ENPEP: variants seen among roughly 807,000 people sequenced by gnomAD.
ENPEP encodes glutamyl aminopeptidase.
A neutral mutation model predicts 114.5 loss-of-function variants in ENPEP; 103 were observed. The ratio of observed to expected loss-of-function variants is 0.90; its 90% CI spans 0.77 to 1.06. The LOEUF (loss-of-function observed/expected upper bound fraction) is 1.06, where lower values mean the gene tolerates loss of function less well. ENPEP is among the 50% of genes least tolerant of loss of function. The pLI is 0.00. For synonymous variants in ENPEP, 420 were observed against 422.0 expected, an observed-to-expected ratio of 1.00 and a Z score of 0.06; for missense variants, 1,196 against 1,161.3, an observed-to-expected ratio of 1.03 and a Z score of -0.43.
intron 1 of ENPEP, among the ~76,000 whole-genome samples, chr4:110,479,685 A>G (rs1724240459): frequency 6.6e-6 from 1 of 152,200 alleles, no homozygotes; most frequent in Non-Finnish European, 1.5e-5. Flanking sequence ...CAATATTCTG[A>G]AGAATATCCA....
At chr4:110,502,814 G>A (rs1725211148) in intron 3 of ENPEP, among the ~76,000 whole-genome samples, 1 of 152,032 alleles carries the variant, frequency 6.6e-6, no homozygotes, top group Admixed American at 6.6e-5. Context: ...AACTATCACT[G>A]GTTGTTTGAT....
At position 110,543,011 on chromosome 4, in the gene ENPEP, CCAGA is replaced by C; in HGVS notation, c.1945-1_1947del. 1 of 1,613,032 alleles carries C rather than the reference CCAGA, an allele frequency of 6.2e-7. No individual in the cohort carries two copies. Among genetic ancestry groups the C allele is most frequent in the Non-Finnish European group, 8.5e-7 (1 of 1,179,318 alleles). The stretch of plus-strand genomic sequence containing the variant: ...TTTTTATCTCTCTTTCTCCCTCTTC[CCAGA>C]CATTTTCTTCAGCAGATCGTGCAAG... On this transcript the variant is annotated splice_acceptor_variant and splice_polypyrimidine_tract_variant and coding_sequence_variant and intron_variant, in exon 13 of 20. Transcript: ENST00000265162. LOFTEE classifies it high-confidence loss of function.
intron 3 of ENPEP, among the ~76,000 whole-genome samples, chr4:110,496,264 G>A (rs974650145): frequency 1.3e-5 from 2 of 152,024 alleles, no homozygotes; most frequent in African/African-American, 4.8e-5. Flanking sequence ...TAGGTTTTGT[G>A]CCATAGACTT....
Position 110,476,831 on chromosome 4 carries a change from C to A in ENPEP, c.417C>A (p.Thr139=). ...TRYLWLHLRE[T]RITRLPELKR... Reference sequence around the variant, plus strand: ...ACCTGTGGCTGCACCTCCGGGAGACCAGGATCACCCGGCTCCCGGAGCTGA... The same window carrying A: ...ACCTGTGGCTGCACCTCCGGGAGACAAGGATCACCCGGCTCCCGGAGCTGA... The change falls in exon 1 of 20, where the codon ACC becomes ACA. Residue 139 remains threonine (T), a synonymous_variant. Coordinates refer to ENST00000265162, the MANE Select transcript of ENPEP (RefSeq NM_001977.4). 1 of 1,614,132 alleles carries A rather than the reference C, an allele frequency of 6.2e-7. No individual in the cohort carries two copies. Among genetic ancestry groups the A allele is most frequent in the Non-Finnish European group, 8.5e-7 (1 of 1,180,014 alleles).
Position 110,561,678 on chromosome 4 carries a change from C to A in ENPEP, c.*120C>A. ...ATAAACAGATAATGCTTTTACTAAG[C>A]ACTGTGTTTATATGTCTTGCAAAGC... is the stretch of plus-strand genomic sequence containing the variant. On this transcript the variant is annotated 3_prime_UTR_variant, in exon 20 of 20. Transcript: ENST00000265162. The A allele has an allele frequency of 1.1e-6, 1 of 942,618 alleles. No homozygotes were observed. Among genetic ancestry groups the A allele is most frequent in the Non-Finnish European group, 1.6e-6 (1 of 642,098 alleles). 58.4% of individuals were successfully genotyped at this position (942,618 alleles called of 1,614,324 possible).
intron 19 of ENPEP, among the ~76,000 whole-genome samples, chr4:110,561,082 GAAC>G (rs1342052074): frequency 6.6e-6 from 1 of 152,088 alleles, no homozygotes; most frequent in Non-Finnish European, 1.5e-5. Context: ...ATTTTCCAGG[GAAC>G]ACCTTGGGGA....
intron 7 of ENPEP, 60 bp from the exon 8 acceptor site, chr4:110,515,317 T>G: frequency 7.2e-7 from 1 of 1,379,452 alleles, no homozygotes; most frequent in Non-Finnish European, 1.0e-6. Flanking sequence ...GAGTAATAAC[T>G]GATCATTGTT....
chr4:110,486,094 A>T (rs1259982549), intron 1 of ENPEP, among the ~76,000 whole-genome samples: 1 of 152,146 alleles, frequency 6.6e-6, no homozygotes, highest in African/African-American at 2.4e-5. Flanking sequence ...TTTTAAAATA[A>T]TTTTTTCCTT....
At chr4:110,499,254 C>A (rs1260870500) in intron 3 of ENPEP, among the ~76,000 whole-genome samples, 1 of 152,170 alleles carries the variant, frequency 6.6e-6, no homozygotes, top group Non-Finnish European at 1.5e-5. Flanking sequence ...AGAACTATTA[C>A]ATGTCAAACA....
chr4:110,499,267 G>C (rs1725063248), intron 3 of ENPEP, among the ~76,000 whole-genome samples: 2 of 152,066 alleles, frequency 1.3e-5, no homozygotes, highest in African/African-American at 4.8e-5. Flanking sequence ...GTCAAACATT[G>C]CTTATGTGTT....
rs1038871595 is a variant in ENPEP, at chr4:110,562,520, C to T, written c.*962C>T. 1 of 152,126 alleles carries T rather than the reference C, an allele frequency of 6.6e-6. No individual in the cohort carries two copies. Among genetic ancestry groups the T allele is most frequent in the East Asian group, 1.9e-4 (1 of 5,194 alleles). 9.4% of individuals were successfully genotyped at this position (152,126 alleles called of 1,614,324 possible). A position where few individuals can be genotyped will look rare whatever the true frequency, so the allele number is the denominator to read the frequency against. Reference sequence around the variant, plus strand: ...AGAATTTAGCTTTGACCTCACCTAGCAATCTAAGTGTGAAAATGGGGAGAC... The same window carrying T: ...AGAATTTAGCTTTGACCTCACCTAGTAATCTAAGTGTGAAAATGGGGAGAC... On this transcript the variant is annotated 3_prime_UTR_variant, in exon 20 of 20. Coordinates refer to ENST00000265162, the MANE Select transcript of ENPEP (RefSeq NM_001977.4).
chr4:110,489,874 T>C (rs1215195469), intron 2 of ENPEP, among the ~76,000 whole-genome samples: 1 of 152,196 alleles, frequency 6.6e-6, no homozygotes, highest in Non-Finnish European at 1.5e-5. Context: ...ATTCATCTTT[T>C]TAAATGATAA....
At chr4:110,540,605 A>G (rs1560567444) in intron 11 of ENPEP, among the ~76,000 whole-genome samples, 1 of 152,154 alleles carries the variant, frequency 6.6e-6, no homozygotes, top group Non-Finnish European at 1.5e-5. Context: ...CCTGGATCTC[A>G]GCTTCCTCAT....
intron 10 of ENPEP, among the ~76,000 whole-genome samples, chr4:110,525,276 C>T (rs547379602): frequency 5.4e-4 from 83 of 152,324 alleles, no homozygotes; most frequent in Non-Finnish European, 8.8e-4. Flanking sequence ...ACTCCAGTCC[C>T]GGGCCTGGCC....
chr4:110,531,266 C>A lies in ENPEP; in HGVS notation c.1796C>A (p.Ser599Ter). The change falls in exon 11 of 20, where the codon TCA becomes TAA. Residue 599 changes from serine (S) to a stop codon, truncating the protein, a stop_gained. Transcript: ENST00000265162. LOFTEE classifies it high-confidence loss of function. ...ACAAGCAGTGTGTTATTTAATAGGTCAGAAAAAGAAGGTAAATATTATTAA... is the reference window on the plus strand; with the variant it reads ...ACAAGCAGTGTGTTATTTAATAGGTAAGAAAAAGAAGGTAAATATTATTAA... ...NITSSVLFNR[S>*]EKEGITLNSS... is the part of the protein sequence containing the mutation. 2.1e-6 allele frequency: 3 copies of A among 1,436,940 alleles called. No homozygotes were observed. In the South Asian group the frequency reaches 4.5e-5, roughly 21 times the overall value. 89.0% of individuals were successfully genotyped at this position (1,436,940 alleles called of 1,614,324 possible). A position where few individuals can be genotyped will look rare whatever the true frequency, so the allele number is the denominator to read the frequency against.
chr4:110,543,203 T>A, intron 13 of ENPEP, 133 bp downstream of exon 13: 3 of 852,584 alleles, frequency 3.5e-6, no homozygotes, highest in African/African-American at 1.7e-5. Flanking sequence ...TAAAACATTA[T>A]TGTTTTCCTT....
In ENPEP at chr4:110,542,765, T is replaced by C. The variant is rs898178177; in HGVS notation, c.1822T>C (p.Ser608Pro). The C allele has an allele frequency of 1.2e-6, 2 of 1,611,736 alleles. No homozygotes were observed. The highest frequency in any genetic ancestry group is 8.5e-7 in the Non-Finnish European group (1 of 1,178,694). Residue 608 changes from serine (S) to proline (P), a missense_variant, in exon 12 of 20, where the codon TCC (serine) becomes CCC (proline). Ser to Pro is a moderately conservative substitution (Grantham distance 74). Transcript: ENST00000265162. ...RSEKEGITLN[S>P]SNPSGNAFLK... is the part of the protein sequence containing the mutation. Reference sequence around the variant, plus strand: ...TACTACTACAGGAATCACTTTGAACTCCTCTAATCCTAGTGGAAATGCTTT... The same window carrying C: ...TACTACTACAGGAATCACTTTGAACCCCTCTAATCCTAGTGGAAATGCTTT...
At chr4:110,556,494 A>T (rs1727478194) in intron 18 of ENPEP, among the ~76,000 whole-genome samples, 1 of 151,890 alleles carries the variant, frequency 6.6e-6, no homozygotes, top group Non-Finnish European at 1.5e-5. Flanking sequence ...CATACATCTT[A>T]GTTTATTTAG....
Position 110,562,905 on chromosome 4 carries a change from C to G in ENPEP, c.*1347C>G, listed in dbSNP as rs917618565. On this transcript the variant is annotated 3_prime_UTR_variant, in exon 20 of 20. Transcript: ENST00000265162. ...TATGGAAACAAAACCTTAGCTTTAACTTTATTTATACAATAATGTGCCCTA... is the reference window on the plus strand; with the variant it reads ...TATGGAAACAAAACCTTAGCTTTAAGTTTATTTATACAATAATGTGCCCTA... 6.6e-6 allele frequency: 1 copy of G among 152,078 alleles called. No individual in the cohort carries two copies. The highest frequency in any genetic ancestry group is 1.5e-5 in the Non-Finnish European group (1 of 67,980). The allele number at this position is 152,078 out of a possible 1,614,324, so 9.4% of individuals were successfully genotyped here. A position where few individuals can be genotyped will look rare whatever the true frequency, so the allele number is the denominator to read the frequency against.
Sources: gnomAD v4.1 joint callset for allele counts (sites outside exome capture counted in the v4.1 genomes callset) on GRCh38, gnomAD v4.1.1 for gene constraint, MANE v1.5 for transcripts, NCBI Gene and HGNC (gene_info 2026-07-23, HGNC 2026-07-21) for gene names.